Variants in CROT observed in about 807,000 individuals in gnomAD.
CROT encodes peroxisomal carnitine O-octanoyltransferase.
Under a neutral mutation model 89.2 loss-of-function variants are expected in CROT, and 84 were observed. The ratio of observed to expected loss-of-function variants is 0.94; its 90% CI spans 0.79 to 1.13. The LOEUF is 1.13. CROT is among the 50% of genes most tolerant of loss of function. The probability of loss-of-function intolerance (pLI) is 0.00; values close to 1 mark genes in which losing one functional copy is unlikely to be tolerated. For missense variants in CROT, 711 were observed against 727.8 expected (o/e 0.98, Z 0.27); for synonymous variants, 212 against 239.5 (o/e 0.89, Z 1.06).
chr7:87,384,358 C>T (rs1433286851), intron 13 of CROT, among the ~76,000 whole-genome samples: 3 of 152,056 alleles, frequency 2.0e-5, no homozygotes, highest in African/African-American at 4.8e-5. Context: ...ATAGCGAAAC[C>T]CTGTCTCTAC....
intron 2 of CROT, among the ~76,000 whole-genome samples, chr7:87,348,472 T>C (rs1805764902): frequency 6.6e-6 from 1 of 152,228 alleles, no homozygotes; most frequent in Admixed American, 6.5e-5. Flanking sequence ...CCACACCTCT[T>C]TGTACTTTGT....
chr7:87,391,736 C>A, intron 14 of CROT, 24 bp downstream of exon 14: 2 of 1,595,586 alleles, frequency 1.3e-6, no homozygotes, highest in Middle Eastern at 1.7e-4. Flanking sequence ...AGGAAAAAAA[C>A]TCACAAGATT....
intron 13 of CROT, 114 bp downstream of exon 13, chr7:87,382,657 T>G: frequency 5.3e-5 from 51 of 968,394 alleles, no homozygotes; most frequent in Non-Finnish European, 7.3e-5. Context: ...TCCCAGCTGG[T>G]ACTGTGTCCT....
chr7:87,349,619 A>G (rs557017989), intron 3 of CROT, among the ~76,000 whole-genome samples: 159 of 152,330 alleles, frequency 1.0e-3, no homozygotes, highest in African/African-American at 3.7e-3. Flanking sequence ...TGGACTTTCT[A>G]CTGTTGTAGG....
At chr7:87,369,067 C>T (rs1806540255) in intron 6 of CROT, among the ~76,000 whole-genome samples, 1 of 152,154 alleles carries the variant, frequency 6.6e-6, no homozygotes, top group Non-Finnish European at 1.5e-5. Context: ...GTCTCCTTCT[C>T]CCCTTCCCAT....
chr7:87,369,483 AG>A lies in CROT; in HGVS notation c.656+1del, dbSNP rs1209677081. 1.2e-6 allele frequency: 2 copies of A among 1,604,476 alleles called. No homozygotes were observed. The highest frequency in any genetic ancestry group is 1.3e-5 in the African/African-American group (1 of 74,738). ...GCLVTPPELL[R>X]QLTYIHKKCH... ...TTTGGTCACCCCGCCAGAGCTTCTC[AG>A]GTTTTCAGACTACTTTCTTGAGTTT... On this transcript the variant is annotated frameshift_variant and splice_region_variant, in exon 7 of 18. Transcript: ENST00000331536. LOFTEE classifies it high-confidence loss of function.
At chr7:87,371,855 A>G (rs540604403) in intron 7 of CROT, among the ~76,000 whole-genome samples, 7 of 152,084 alleles carry the variant, frequency 4.6e-5, no homozygotes, top group African/African-American at 1.7e-4. Flanking sequence ...GCTGGACATG[A>G]TAGTGCTACT....
chr7:87,361,039 G>T (rs889709876), intron 4 of CROT, among the ~76,000 whole-genome samples: 1 of 152,110 alleles, frequency 6.6e-6, no homozygotes, highest in East Asian at 1.9e-4. Flanking sequence ...TGCAATCATA[G>T]CTCACTGCAG....
Position 87,391,728 on chromosome 7 carries a change from GAA to G in CROT, c.1425+22_1425+23del, listed in dbSNP as rs754572905. The G allele has an allele frequency of 2.5e-6, 4 of 1,593,796 alleles. No homozygotes were observed. Among genetic ancestry groups the G allele is most frequent in the Non-Finnish European group, 3.4e-6 (4 of 1,174,202 alleles). On this transcript the variant is annotated intron_variant, in intron 14 of 17. Transcript: ENST00000331536. The stretch of plus-strand genomic sequence containing the variant: ...TTCTGTCAATGTGAGTATTGGAAAG[GAA>G]AAAAACTCACAAGATTTGTTTAATT...
In CROT at chr7:87,347,717, C is replaced by A. The variant is rs1805732250; in HGVS notation, c.-22+1287C>A. Among the ~76,000 whole-genome samples, 3 of 151,650 alleles carry A rather than the reference C, an allele frequency of 2.0e-5. No homozygotes were observed. The South Asian group carries it at 6.2e-4, about 31-fold the overall frequency. ...TAGAAGTTTTTTTTTTTCCATACAT[C>A]TAGAGGTAGGAGTCCAGGACTAGTA... On this transcript the variant is annotated intron_variant, in intron 2 of 17. Transcript: ENST00000331536.
At chr7:87,347,724 TA>T (rs1396272703) in intron 2 of CROT, among the ~76,000 whole-genome samples, 2 of 151,722 alleles carry the variant, frequency 1.3e-5, no homozygotes, top group African/African-American at 4.9e-5. Context: ...CATCTAGAGG[TA>T]GGAGTCCAGG....
intron 7 of CROT, among the ~76,000 whole-genome samples, chr7:87,374,920 C>T (rs1806757700): frequency 6.6e-6 from 1 of 151,702 alleles, no homozygotes; most frequent in South Asian, 2.1e-4. Flanking sequence ...TAACATGTGC[C>T]ATGAAATTGA....
intron 14 of CROT, among the ~76,000 whole-genome samples, chr7:87,392,143 A>C (rs746782482): frequency 3.9e-5 from 6 of 152,164 alleles, no homozygotes; most frequent in Admixed American, 2.6e-4. Flanking sequence ...AAGCATTTAG[A>C]CAACAGCAAA....
chr7:87,376,080 T>C (rs180877269), intron 9 of CROT, 127 bp downstream of exon 9: 1 of 802,808 alleles, frequency 1.2e-6, no homozygotes, highest in East Asian at 2.8e-5. Context: ...AGTTATACAA[T>C]ATACTTGTGC....
At chr7:87,384,165 G>A (rs114933366) in intron 13 of CROT, among the ~76,000 whole-genome samples, 2 of 152,022 alleles carry the variant, frequency 1.3e-5, no homozygotes, top group Non-Finnish European at 2.9e-5. Context: ...TGCATTTCCC[G>A]ATGATTAGTG....
intron 9 of CROT, among the ~76,000 whole-genome samples, chr7:87,376,417 T>C (rs1207500238): frequency 6.6e-6 from 1 of 152,088 alleles, no homozygotes; most frequent in Admixed American, 6.5e-5. Context: ...CTGAACACAT[T>C]GATGTCAGTG....
rs1806198303 is a variant in CROT at position 87,359,229 on chromosome 7, G to A, written c.139G>A (p.Glu47Lys). The A allele has an allele frequency of 6.3e-7, 1 of 1,585,692 alleles. No individual in the cohort carries two copies. Among genetic ancestry groups the A allele is most frequent in the East Asian group, 2.2e-5 (1 of 44,612 alleles). Residue 47 changes from glutamate to lysine, a missense_variant, in exon 4 of 18, where the codon GAA becomes AAA. By Grantham distance (56) the Glu-to-Lys change is moderately conservative. Transcript: ENST00000331536. Reference sequence around the variant, plus strand: ...AGTGAAACCATTTGCAAATCAAGAAGAATATAAGAAAACTGAAGAAATAGT... The same window carrying A: ...AGTGAAACCATTTGCAAATCAAGAAAAATATAAGAAAACTGAAGAAATAGT... ...ESVKPFANQEEYKKTEEIVQK... is the reference protein window; with the variant it reads ...ESVKPFANQEKYKKTEEIVQK...
chr7:87,369,245 G>T, intron 6 of CROT, 131 bp from the exon 7 acceptor site: 1 of 537,840 alleles, frequency 1.9e-6, no homozygotes, highest in Non-Finnish European at 3.4e-6. Flanking sequence ...TTTTTGTTAT[G>T]TGATATATTT....
chr7:87,368,820 G>A (rs933890691), intron 6 of CROT, among the ~76,000 whole-genome samples: 2 of 152,134 alleles, frequency 1.3e-5, no homozygotes, highest in African/African-American at 2.4e-5. Context: ...GGGAGTTAAG[G>A]TGTGCCAAAG....
Sources: allele counts gnomAD v4.1 joint callset (sites outside exome capture counted in the v4.1 genomes callset), GRCh38; gene constraint gnomAD v4.1.1; transcripts MANE v1.5; gene names NCBI Gene and HGNC (gene_info 2026-07-23, HGNC 2026-07-21).